The following OPN4 variants were observed in gnomAD, a reference collection of about 807,000 sequenced individuals.
OPN4 encodes melanopsin.
In OPN4, 43 loss-of-function variants were observed where a neutral mutation model predicts 49.5. The ratio of observed to expected loss-of-function variants is 0.87; its 90% CI spans 0.68 to 1.12. OPN4 has a LOEUF of 1.12. Among genes scored for constraint, OPN4 ranks in the 50% most tolerant of loss-of-function variants. The probability of loss-of-function intolerance (pLI) is 0.00; values close to 1 mark genes in which losing one functional copy is unlikely to be tolerated. For missense variants in OPN4, 657 were observed against 643.9 expected (o/e 1.02, Z -0.22); for synonymous variants, 263 against 258.0 (o/e 1.02, Z -0.19).
intron 2 of OPN4, chr10:86,657,175 C>T (rs767534936): frequency 1.3e-6 from 1 of 780,412 alleles, no homozygotes; most frequent in East Asian, 2.4e-5. Context: ...CTTGAGCTCA[C>T]TTTTCTTTCC....
At chr10:86,661,577 G>A (rs550672705) in intron 7 of OPN4, among the ~76,000 whole-genome samples, 189 bp downstream of exon 7, 1 of 152,230 alleles carries the variant, frequency 6.6e-6, no homozygotes, top group African/African-American at 2.4e-5. Flanking sequence ...AGCTTCCCAG[G>A]GGTCACGGTG....
Position 86,659,324 on chromosome 10 carries a change from C to T in OPN4, c.656C>T (p.Thr219Ile), listed in dbSNP as rs778385493. The part of the protein sequence containing the change: ...WSAYVPEGLL[T>I]SCSWDYMSFT... ...GCCTACGTGCCCGAGGGGTTGCTGA[C>T]ATCCTGCTCCTGGGACTACATGAGC... Residue 219 changes from threonine (T) to isoleucine (I), a missense_variant, in exon 5 of 10, where the codon ACA becomes ATA. Physicochemically the swap from Thr to Ile is moderately conservative, Grantham distance 89. Transcript: ENST00000241891. 6.8e-6 allele frequency: 11 copies of T among 1,613,410 alleles called. No homozygotes were observed. In the South Asian group the frequency reaches 7.7e-5, roughly 11 times the overall value.
intron 2 of OPN4, 53 bp downstream of exon 2, chr10:86,656,353 A>G: frequency 6.5e-7 from 1 of 1,539,052 alleles, no homozygotes; most frequent in South Asian, 1.3e-5. Flanking sequence ...AGCCATGCAG[A>G]CAGGGAAGAA....
chr10:86,654,577 T>C lies in OPN4; in HGVS notation c.-207T>C, dbSNP rs186536577. 1.7e-6 allele frequency: 1 copy of C among 581,898 alleles called. No individual in the cohort carries two copies. The highest frequency in any genetic ancestry group is 1.9e-5 in the African/African-American group (1 of 53,948). The allele number at this position is 581,898 out of a possible 1,614,324, so 36.0% of individuals were successfully genotyped here. ...TCACCATAACTGCGACACTCACTCA[T>C]TTGCGCTTCACCAGACACAGAGCAA... On this transcript the variant is annotated 5_prime_UTR_variant, in exon 1 of 10. Coordinates refer to ENST00000241891, the MANE Select transcript of OPN4 (RefSeq NM_033282.4).
chr10:86,663,500 C>T (rs568332550), intron 8 of OPN4, among the ~76,000 whole-genome samples, 159 bp from the exon 9 acceptor site: 9 of 152,310 alleles, frequency 5.9e-5, no homozygotes, highest in Admixed American at 1.3e-4. Flanking sequence ...GCACAATTTA[C>T]GGGGTTTATT....
chr10:86,665,426 G>T (rs2132312233), intron 9 of OPN4, among the ~76,000 whole-genome samples: 1 of 152,232 alleles, frequency 6.6e-6, no homozygotes, highest in South Asian at 2.1e-4. Context: ...ACATGTGGAA[G>T]AGAGGAGCGG....
intron 7 of OPN4, 49 bp downstream of exon 7, chr10:86,661,437 C>T (rs765448576): frequency 1.4e-6 from 2 of 1,433,434 alleles, no homozygotes; most frequent in African/African-American, 1.4e-5. Context: ...AGGGCCTGGC[C>T]TGCCGATGGG....
At chr10:86,660,102 G>C (rs1253794833) in intron 6 of OPN4, 43 bp downstream of exon 6, 3 of 1,604,664 alleles carry the variant, frequency 1.9e-6, no homozygotes, top group Non-Finnish European at 2.6e-6. Flanking sequence ...TGAAGGTGTG[G>C]GGGCAGGAGC....
At chr10:86,656,391 T>C in intron 2 of OPN4, 91 bp downstream of exon 2, 1 of 1,460,842 alleles carries the variant, frequency 6.8e-7, no homozygotes, top group Admixed American at 2.1e-5. Context: ...TGACTCTAGC[T>C]CTGGCCAGGG....
chr10:86,660,079 T>C lies in OPN4; in HGVS notation c.965+20T>C. 1 of 1,613,458 alleles carries C rather than the reference T, an allele frequency of 6.2e-7. No homozygotes were observed. Among genetic ancestry groups the C allele is most frequent in the Non-Finnish European group, 8.5e-7 (1 of 1,179,506 alleles). ...TGCTGGGTAAGCAGTGGCTAAAGGG[T>C]TGGGGAAGAGGCTGAAGGTGTGGGG... On this transcript the variant is annotated intron_variant, in intron 6 of 9. Transcript: ENST00000241891.
At chr10:86,665,203 G>A (rs1343628038) in intron 9 of OPN4, among the ~76,000 whole-genome samples, 1 of 152,154 alleles carries the variant, frequency 6.6e-6, no homozygotes, top group African/African-American at 2.4e-5. Flanking sequence ...GGGGGACATA[G>A]GAGAAGGGAA....
intron 7 of OPN4, 69 bp downstream of exon 7, chr10:86,661,457 C>T: frequency 8.8e-7 from 1 of 1,138,888 alleles, no homozygotes; most frequent in Non-Finnish European, 1.3e-6. Context: ...GGGCAGAGGC[C>T]ACCACCTTTC....
At chr10:86,657,060 G>A in intron 2 of OPN4, 1 of 637,398 alleles carries the variant, frequency 1.6e-6, no homozygotes, top group South Asian at 1.9e-5. Flanking sequence ...GCCTGGCTCA[G>A]TGGCTGAGAC....
At chr10:86,656,032 C>A in intron 1 of OPN4, 123 bp from the exon 2 acceptor site, 1 of 1,277,448 alleles carries the variant, frequency 7.8e-7, no homozygotes, top group Non-Finnish European at 1.1e-6. Context: ...GTGCAACTGG[C>A]TTTGCCACTC....
At position 86,654,674 on chromosome 10, in the gene OPN4, A is replaced by C. The variant is rs1843822626; in HGVS notation, c.-110A>C. 1 of 1,441,926 alleles carries C rather than the reference A, an allele frequency of 6.9e-7. No homozygotes were observed. The allele number at this position is 1,441,926 out of a possible 1,614,324, so 89.3% of individuals were successfully genotyped here. ...GGAGAAAGCAGCGGGTAGGCTAAGCAGGGGTGCTGAGGATGGAGGAAAGTT... is the reference window on the plus strand; with the variant it reads ...GGAGAAAGCAGCGGGTAGGCTAAGCCGGGGTGCTGAGGATGGAGGAAAGTT... On this transcript the variant is annotated 5_prime_UTR_variant, in exon 1 of 10. Transcript: ENST00000241891.
At position 86,663,763 on chromosome 10, in the gene OPN4, C is replaced by T. The variant is rs144759318; in HGVS notation, c.1359C>T (p.Pro453=). The T allele has an allele frequency of 3.3e-4, 513 of 1,560,910 alleles. No individual in the cohort carries two copies. The highest frequency in any genetic ancestry group is 5.0e-4 in the Middle Eastern group (3 of 5,992). The change falls in exon 9 of 10, where the codon CCC becomes CCT. Residue 453 remains proline (P), a synonymous_variant. Transcript: ENST00000241891. ...TGGAGGACTTGGAAGCCAAGGCACC[C>T]CCCAGACCCCAGGGACACGAAGCAG... ...QGLEDLEAKA[P]PRPQGHEAET... is the part of the protein sequence containing the mutation.
chr10:86,662,108 A>T, intron 7 of OPN4, 144 bp from the exon 8 acceptor site: 2 of 650,164 alleles, frequency 3.1e-6, no homozygotes, highest in South Asian at 4.1e-5. Flanking sequence ...ATCACCTGCC[A>T]TGGTTCCCAG....
At chr10:86,661,958 T>A (rs1344629319) in intron 7 of OPN4, among the ~76,000 whole-genome samples, 1 of 152,142 alleles carries the variant, frequency 6.6e-6, no homozygotes, top group Non-Finnish European at 1.5e-5. Flanking sequence ...ACCAGAGATG[T>A]GGCTTGAGCC....
intron 5 of OPN4, 23 bp from the exon 6 acceptor site, chr10:86,659,872 C>G (rs373942765): frequency 6.2e-7 from 1 of 1,613,372 alleles, no homozygotes; most frequent in African/African-American, 1.3e-5. Flanking sequence ...TAGGGTCAGA[C>G]CTGGACGATG....
Sources: allele counts gnomAD v4.1 joint callset (sites outside exome capture counted in the v4.1 genomes callset), GRCh38; gene constraint gnomAD v4.1.1; transcripts MANE v1.5; gene names NCBI Gene and HGNC (gene_info 2026-07-23, HGNC 2026-07-21).